Variants in KCNH1 observed in about 807,000 individuals in gnomAD.
KCNH1 encodes the protein voltage-gated delayed rectifier potassium channel KCNH1.
A neutral mutation model predicts 69.2 loss-of-function variants in KCNH1; 27 were observed. The observed-to-expected ratio is 0.39, with a 90% CI of 0.29 to 0.54. KCNH1 has a LOEUF of 0.54. Ranked by LOEUF, KCNH1 falls within the 20% of genes least tolerant of loss-of-function variation. The pLI is 0.68. For missense variants in KCNH1, 798 were observed against 1,261.6 expected, an observed-to-expected ratio of 0.63 and a Z score of 5.57; for synonymous variants, 456 against 487.7, an observed-to-expected ratio of 0.93 and a Z score of 0.86.
intron 7 of KCNH1, among the ~76,000 whole-genome samples, chr1:210,884,252 C>G (rs1337800151): frequency 6.6e-6 from 1 of 152,210 alleles, no homozygotes; most frequent in Non-Finnish European, 1.5e-5. Flanking sequence ...TCAATAGCAT[C>G]AAGTCCAACA....
rs768224304 is a variant in KCNH1 at position 210,683,252 on chromosome 1, GTC to G, written c.*27_*28del. 2 of 1,601,464 alleles carry G rather than the reference GTC, an allele frequency of 1.2e-6. No homozygotes were observed. The highest frequency in any genetic ancestry group is 1.7e-6 in the Non-Finnish European group (2 of 1,174,252). ...GGTGACGGCAGGGTTGGAGGTATCT[GTC>G]TCTGACTTTTTTTTTAAATAGACCT... On this transcript the variant is annotated 3_prime_UTR_variant, in exon 11 of 11. Coordinates refer to ENST00000271751, the MANE Select transcript of KCNH1 (RefSeq NM_172362.3). The surrounding 1 kb of genome is among the most constrained non-coding windows in gnomAD (Gnocchi z 5.7).
At chr1:210,825,831 C>A (rs181640271) in intron 7 of KCNH1, among the ~76,000 whole-genome samples, 1 of 152,218 alleles carries the variant, frequency 6.6e-6, no homozygotes, top group Non-Finnish European at 1.5e-5. Context: ...GCAAAGTGTG[C>A]GTATAGGCAT....
chr1:210,888,031 G>A (rs565618845), intron 7 of KCNH1, among the ~76,000 whole-genome samples: 1 of 152,010 alleles, frequency 6.6e-6, no homozygotes, highest in Non-Finnish European at 1.5e-5. Flanking sequence ...TATTCAGGAC[G>A]CGAACTCAGC....
At chr1:210,866,509 A>C (rs1361017033) in intron 7 of KCNH1, among the ~76,000 whole-genome samples, 1 of 152,208 alleles carries the variant, frequency 6.6e-6, no homozygotes, top group Non-Finnish European at 1.5e-5. Context: ...AGCACATGAA[A>C]AGATGTTCAA....
chr1:210,890,732 AT>A (rs1470578826), intron 7 of KCNH1, among the ~76,000 whole-genome samples: 1 of 152,208 alleles, frequency 6.6e-6, no homozygotes, highest in Non-Finnish European at 1.5e-5. Context: ...TGGGTATAGC[AT>A]ATGACAGACA....
chr1:210,868,472 C>T (rs1288843673), intron 7 of KCNH1, among the ~76,000 whole-genome samples: 4 of 151,750 alleles, frequency 2.6e-5, no homozygotes, highest in South Asian at 2.1e-4. Flanking sequence ...AAGAAATCTT[C>T]GCATATGCCA....
At chr1:211,013,869 A>C (rs1441767294) in intron 6 of KCNH1, among the ~76,000 whole-genome samples, 1 of 152,242 alleles carries the variant, frequency 6.6e-6, no homozygotes, top group Non-Finnish European at 1.5e-5. Flanking sequence ...TGCCATACAG[A>C]GTTAGGATAA....
At chr1:210,750,472 G>A (rs1009915505) in intron 10 of KCNH1, among the ~76,000 whole-genome samples, 1 of 152,082 alleles carries the variant, frequency 6.6e-6, no homozygotes, top group Non-Finnish European at 1.5e-5. Context: ...GGGCACAAAG[G>A]GAAAAATCAG....
intron 1 of KCNH1, among the ~76,000 whole-genome samples, chr1:211,115,823 C>T (rs1452408811): frequency 6.6e-6 from 1 of 151,304 alleles, no homozygotes; most frequent in Non-Finnish European, 1.5e-5. Context: ...AGATTAAATG[C>T]AATCCTTATC....
intron 10 of KCNH1, among the ~76,000 whole-genome samples, chr1:210,755,876 A>G (rs1050003539): frequency 1.3e-5 from 2 of 152,218 alleles, no homozygotes; most frequent in African/African-American, 2.4e-5. Context: ...GAACATTATC[A>G]GAGAAAAGCA....
At chr1:210,750,130 A>C (rs1683252251) in intron 10 of KCNH1, among the ~76,000 whole-genome samples, 1 of 152,182 alleles carries the variant, frequency 6.6e-6, no homozygotes, top group Non-Finnish European at 1.5e-5. Context: ...TGTGACTTCA[A>C]GCTCTGATTT....
At chr1:211,112,461 T>C (rs1222705713) in intron 1 of KCNH1, among the ~76,000 whole-genome samples, 1 of 151,108 alleles carries the variant, frequency 6.6e-6, no homozygotes, top group Non-Finnish European at 1.5e-5. Flanking sequence ...CTCCCCAAGT[T>C]TGCATTTTCG....
intron 10 of KCNH1, among the ~76,000 whole-genome samples, chr1:210,744,681 G>A (rs1683107591): frequency 6.6e-6 from 1 of 152,006 alleles, no homozygotes; most frequent in Non-Finnish European, 1.5e-5. Flanking sequence ...AAACCCCACA[G>A]GTTGTTGGGC....
rs1558477653 is a variant in KCNH1 at position 210,806,806 on chromosome 1, C to CTAAA, written c.1463-2641_1463-2640insTTTA. On this transcript the variant is annotated intron_variant, in intron 7 of 10. Coordinates refer to ENST00000271751, the MANE Select transcript of KCNH1 (RefSeq NM_172362.3). ...CCAATATGGTGAAACCCCATCTCTA[C>CTAAA]CAAAAAAAAAAAAAAAAAAAAAAAA... Among the ~76,000 whole-genome samples the CTAAA allele has an allele frequency of 2.2e-4, 19 of 86,264 alleles. 2 individuals are homozygous for CTAAA. The highest frequency in any genetic ancestry group is 3.7e-4 in the Non-Finnish European group (17 of 46,480). The allele number at this position is 86,264 out of a possible 152,430, so 56.6% of individuals were successfully genotyped here. A position where few individuals can be genotyped will look rare whatever the true frequency, so the allele number is the denominator to read the frequency against.
chr1:210,760,035 C>T lies in KCNH1; in HGVS notation c.2112+15313G>A, dbSNP rs73069519. On this transcript the variant is annotated intron_variant, in intron 10 of 10. Coordinates refer to ENST00000271751, the MANE Select transcript of KCNH1 (RefSeq NM_172362.3). ...TGAACCCTATTGTGAGCTGTGCACG[C>T]GAGGAATCTAGGTTGCACACTCCTT... is the stretch of plus-strand genomic sequence containing the variant. Among the ~76,000 whole-genome samples, 1,449 of 152,118 alleles carry T rather than the reference C, an allele frequency of 9.5e-3. 20 individuals carry two copies. The highest frequency in any genetic ancestry group is 0.031 in the African/African-American group (1,301 of 41,498).
rs188597779 is a variant in KCNH1, at chr1:210,988,125, G to A, written c.1032+30658C>T. The stretch of plus-strand genomic sequence containing the variant: ...TCCTGATGTGCCATTTGTTAAGCCC[G>A]TTGGAAAAGCGCAGTATTAGGGTGG... On this transcript the variant is annotated intron_variant, in intron 6 of 10. Transcript: ENST00000271751. Among the ~76,000 whole-genome samples the A allele has an allele frequency of 2.7e-4, 41 of 152,290 alleles. 1 individual carries two copies. In the South Asian group the frequency reaches 4.6e-3, roughly 17 times the overall value.
intron 7 of KCNH1, chr1:210,861,698 C>T (rs149112617): frequency 2.4e-4 from 185 of 774,176 alleles, no homozygotes; most frequent in Middle Eastern, 2.0e-3. Context: ...TTCTGGATGA[C>T]GACAGACTGA....
chr1:210,895,778 G>T (rs889833987), intron 7 of KCNH1, among the ~76,000 whole-genome samples: 3 of 152,018 alleles, frequency 2.0e-5, no homozygotes, highest in African/African-American at 4.8e-5. Context: ...ACTCTTGGAC[G>T]TGGCTACCAA....
chr1:210,997,025 C>T (rs1393483203), intron 6 of KCNH1, among the ~76,000 whole-genome samples: 1 of 152,160 alleles, frequency 6.6e-6, no homozygotes, highest in Non-Finnish European at 1.5e-5. Flanking sequence ...TCACCATCAT[C>T]AAAGACCAAA....
Sources: gnomAD v4.1 joint callset for allele counts (sites outside exome capture counted in the v4.1 genomes callset) on GRCh38, gnomAD v4.1.1 for gene constraint, Gnocchi (gnomAD v3.1) non-coding constraint, MANE v1.5 for transcripts, NCBI Gene and HGNC (gene_info 2026-07-23, HGNC 2026-07-21) for gene names.